LRP12: variants seen among roughly 807,000 people sequenced by gnomAD.
The protein encoded by LRP12 is LDL receptor related protein 12.
LRP12 carries 14 observed loss-of-function variants against 66.0 expected under a neutral mutation model. That is an observed-to-expected ratio of 0.21 (90% CI 0.14 to 0.33). The LOEUF (loss-of-function observed/expected upper bound fraction) is 0.33, where lower values mean the gene tolerates loss of function less well. Among genes scored for constraint, LRP12 ranks in the 10% least tolerant of loss-of-function variants. LRP12 has a pLI of 1.00. For synonymous variants in LRP12, 357 were observed against 359.1 expected (o/e 0.99, Z 0.07); for missense variants, 889 against 1,053.4 (o/e 0.84, Z 2.16).
intron 1 of LRP12, among the ~76,000 whole-genome samples, chr8:104,573,377 A>T (rs1035501500): frequency 2.0e-5 from 3 of 152,112 alleles, no homozygotes; most frequent in Non-Finnish European, 4.4e-5. Context: ...CTCATTTAGC[A>T]TCTCCATTTT....
rs949497294 is a variant in LRP12, at chr8:104,490,405, C to T, written c.*268G>A. On this transcript the variant is annotated 3_prime_UTR_variant, in exon 7 of 7. Transcript: ENST00000276654. ...GCAGCCACATTTCTACAGTGAACTA[C>T]AGTATCAGGATGAAAACAATCAGAA... 1.2e-5 allele frequency: 4 copies of T among 345,314 alleles called. No individual in the cohort carries two copies. The highest frequency in any genetic ancestry group is 2.1e-5 in the Non-Finnish European group (4 of 191,010). The allele number at this position is 345,314 out of a possible 1,614,324, so 21.4% of individuals were successfully genotyped here.
intron 3 of LRP12, among the ~76,000 whole-genome samples, chr8:104,503,031 A>G (rs1810852048): frequency 6.6e-6 from 1 of 152,164 alleles, no homozygotes; most frequent in South Asian, 2.1e-4. Context: ...CTAAAAATAC[A>G]AAAATTAGTT....
intron 1 of LRP12, 29 bp downstream of exon 1, chr8:104,588,790 C>G: frequency 6.2e-7 from 1 of 1,607,090 alleles, no homozygotes; most frequent in Non-Finnish European, 8.5e-7. Flanking sequence ...TTTGTTCGGT[C>G]AGCGGGGCGC....
intron 1 of LRP12, among the ~76,000 whole-genome samples, chr8:104,582,780 A>G (rs1187831399): frequency 1.3e-5 from 2 of 152,144 alleles, no homozygotes; most frequent in Non-Finnish European, 2.9e-5. Context: ...TCTAGATTAA[A>G]TAACAGAAAT....
chr8:104,557,754 G>C (rs1811834254), intron 1 of LRP12, among the ~76,000 whole-genome samples: 1 of 152,010 alleles, frequency 6.6e-6, no homozygotes, highest in Non-Finnish European at 1.5e-5. Flanking sequence ...ATTTTTCACA[G>C]AACTAGAAAA....
At chr8:104,543,954 A>G (rs1198063394) in intron 1 of LRP12, among the ~76,000 whole-genome samples, 1 of 152,166 alleles carries the variant, frequency 6.6e-6, no homozygotes, top group Non-Finnish European at 1.5e-5. Flanking sequence ...ACAAAAATGA[A>G]GATTAGTAAG....
At chr8:104,579,779 A>G (rs974432530) in intron 1 of LRP12, among the ~76,000 whole-genome samples, 1 of 152,216 alleles carries the variant, frequency 6.6e-6, no homozygotes, top group Admixed American at 6.5e-5. Flanking sequence ...AAGGCAGCAC[A>G]TCTACAACTA....
intron 1 of LRP12, among the ~76,000 whole-genome samples, chr8:104,534,581 G>C (rs1811369369): frequency 6.6e-6 from 1 of 151,866 alleles, no homozygotes; most frequent in Non-Finnish European, 1.5e-5. Context: ...AAGTATTAAT[G>C]ATTTTAAAAA....
intron 1 of LRP12, among the ~76,000 whole-genome samples, chr8:104,550,934 CT>C (rs1811716033): frequency 2.0e-5 from 3 of 152,094 alleles, no homozygotes; most frequent in Non-Finnish European, 4.4e-5. Flanking sequence ...TACCAGAGAT[CT>C]TTTTTAAAGG....
intron 2 of LRP12, among the ~76,000 whole-genome samples, chr8:104,530,966 AG>A (rs146258355): frequency 0.024 from 3,637 of 152,258 alleles, 107 homozygotes; most frequent in African/African-American, 0.065. Context: ...TCAGGAAACT[AG>A]GCTTGTTGGG....
intron 1 of LRP12, among the ~76,000 whole-genome samples, chr8:104,581,383 A>G (rs1304339052): frequency 6.6e-6 from 1 of 151,200 alleles, no homozygotes; most frequent in Non-Finnish European, 1.5e-5. Flanking sequence ...ATGATGTAAC[A>G]TATCACTAGG....
At chr8:104,526,999 A>G (rs1275271572) in intron 2 of LRP12, among the ~76,000 whole-genome samples, 1 of 149,318 alleles carries the variant, frequency 6.7e-6, no homozygotes, top group African/African-American at 2.6e-5. Context: ...AAAAAACAAA[A>G]CCCCATCAAA....
intron 2 of LRP12, among the ~76,000 whole-genome samples, chr8:104,518,428 C>T (rs971246794): frequency 6.6e-6 from 1 of 152,014 alleles, no homozygotes; most frequent in African/African-American, 2.4e-5. Flanking sequence ...TATTCTTAAC[C>T]ACTAAGGCAA....
rs1286035658 is a variant in LRP12, at chr8:104,500,277, TTAA to T, written c.273-761_273-759del. 5.2e-4 allele frequency among the ~76,000 whole-genome samples: 79 copies of T among 152,346 alleles called. No homozygotes were observed. The Middle Eastern group carries it at 0.014, about 26-fold the overall frequency. The stretch of plus-strand genomic sequence containing the variant: ...CTGACTTTATATTCTTGCCTTTGCC[TTAA>T]ACTAAGTGATAATAAAGTTAATTAC... On this transcript the variant is annotated intron_variant, in intron 3 of 6. Transcript: ENST00000276654.
intron 1 of LRP12, among the ~76,000 whole-genome samples, chr8:104,566,984 C>T (rs985251872): frequency 4.0e-5 from 6 of 150,170 alleles, no homozygotes; most frequent in East Asian, 1.9e-4. Flanking sequence ...TTACAAAATC[C>T]GTAATAAATG....
intron 1 of LRP12, among the ~76,000 whole-genome samples, chr8:104,555,138 C>A (rs1811785525): frequency 6.6e-6 from 1 of 152,056 alleles, no homozygotes; most frequent in Admixed American, 6.6e-5. Context: ...ATCTTGAAAC[C>A]AATCCTTGAA....
At chr8:104,525,726 T>C (rs907035902) in intron 2 of LRP12, among the ~76,000 whole-genome samples, 2 of 152,120 alleles carry the variant, frequency 1.3e-5, no homozygotes, top group Non-Finnish European at 2.9e-5. Flanking sequence ...GCCAATATCA[T>C]ACTGAATGGG....
chr8:104,525,862 T>C (rs1049294921), intron 2 of LRP12, among the ~76,000 whole-genome samples: 2 of 152,078 alleles, frequency 1.3e-5, no homozygotes, highest in African/African-American at 4.8e-5. Flanking sequence ...AAAAAAAGGG[T>C]ATTCAATTAG....
intron 2 of LRP12, among the ~76,000 whole-genome samples, chr8:104,512,192 C>A (rs536974233): frequency 6.6e-6 from 1 of 152,182 alleles, no homozygotes; most frequent in Admixed American, 6.5e-5. Context: ...TGGCGTGCAC[C>A]TGTAGTCCCA....
Sources: gnomAD v4.1 joint callset for allele counts (sites outside exome capture counted in the v4.1 genomes callset) on GRCh38, gnomAD v4.1.1 for gene constraint, MANE v1.5 for transcripts, NCBI Gene and HGNC (gene_info 2026-07-23, HGNC 2026-07-21) for gene names.